Variants in CNTN6 observed in about 807,000 individuals in gnomAD.
CNTN6 encodes contactin-6.
Under a neutral mutation model 122.8 loss-of-function variants are expected in CNTN6, and 137 were observed. The ratio of observed to expected loss-of-function variants is 1.12; its 90% CI spans 0.97 to 1.29. The LOEUF (loss-of-function observed/expected upper bound fraction) is 1.29, where lower values mean the gene tolerates loss of function less well. Ranked by LOEUF, CNTN6 falls within the 50% of genes most tolerant of loss-of-function variation. CNTN6 has a pLI of 0.00. For synonymous variants in CNTN6, 570 were observed against 426.0 expected, an observed-to-expected ratio of 1.34 and a Z score of -4.16; for missense variants, 1,634 against 1,223.4, an observed-to-expected ratio of 1.34 and a Z score of -5.01.
rs373165737 is a variant in CNTN6, at chr3:1,321,641, A to C, written c.762-9A>C. On this transcript the variant is annotated splice_polypyrimidine_tract_variant and intron_variant, in intron 7 of 22. Transcript: ENST00000446702. ...CCGTCTTCTATTCTAATGAGGTGTA[A>C]CTGTTTAGTCCAGTCCCCGATATTA... The C allele has an allele frequency of 3.1e-6, 5 of 1,605,086 alleles. No individual in the cohort carries two copies. The African/African-American group carries it at 6.7e-5, about 22-fold the overall frequency.
intron 2 of CNTN6, among the ~76,000 whole-genome samples, chr3:1,184,919 T>C (rs188071231): frequency 3.7e-4 from 56 of 152,236 alleles, no homozygotes; most frequent in African/African-American, 1.3e-3. Context: ...AATTCAAATA[T>C]ATAAAAATAT....
At chr3:1,159,415 T>A (rs2093069929) in intron 2 of CNTN6, among the ~76,000 whole-genome samples, 1 of 152,062 alleles carries the variant, frequency 6.6e-6, no homozygotes, top group African/African-American at 2.4e-5. Context: ...GGAGATTTCA[T>A]CACACTACCC....
chr3:1,382,037 G>A (rs553007881), intron 17 of CNTN6, among the ~76,000 whole-genome samples: 1 of 151,960 alleles, frequency 6.6e-6, no homozygotes, highest in East Asian at 1.9e-4. Context: ...ATGGAGTTGT[G>A]GACATGAGGG....
intron 2 of CNTN6, among the ~76,000 whole-genome samples, chr3:1,209,960 A>G (rs2094011355): frequency 6.6e-6 from 1 of 152,198 alleles, no homozygotes; most frequent in Non-Finnish European, 1.5e-5. Context: ...CCTTAGTAAG[A>G]TGTATCTCTC....
rs974142890 is a variant in CNTN6 at position 1,102,608 on chromosome 3, G to T, written c.-83+9488G>T. ...GCCGGGCGTGGTGGCGGCGCCTGTA[G>T]TCCCAGCTACTCGGGAGGCTGAGGC... is the stretch of plus-strand genomic sequence containing the variant. On this transcript the variant is annotated intron_variant, in intron 1 of 22. Coordinates refer to ENST00000446702, the MANE Select transcript of CNTN6 (RefSeq NM_001289080.2). Among the ~76,000 whole-genome samples the T allele has an allele frequency of 4.0e-5, 6 of 149,278 alleles. 1 individual carries two copies. The highest frequency in any genetic ancestry group is 6.0e-5 in the Non-Finnish European group (4 of 66,954).
intron 2 of CNTN6, among the ~76,000 whole-genome samples, chr3:1,204,083 T>C (rs1189484298): frequency 6.6e-6 from 1 of 152,188 alleles, no homozygotes. Flanking sequence ...TAATGACACA[T>C]TTCGCAGAAT....
At position 1,147,988 on chromosome 3, in the gene CNTN6, T is replaced by G; in HGVS notation, c.-21T>G. 1 of 1,600,642 alleles carries G rather than the reference T, an allele frequency of 6.2e-7. No homozygotes were observed. The highest frequency in any genetic ancestry group is 1.1e-5 in the South Asian group (1 of 90,216). ...TTCCACCTGATTGTATGGGAGAAAT[T>G]TTTGACCTTAGAAAGTGGAAATGAG... is the stretch of plus-strand genomic sequence containing the variant. On this transcript the variant is annotated 5_prime_UTR_variant, in exon 2 of 23. The change creates a new upstream start codon in the 5' untranslated region. Coordinates refer to ENST00000446702, the MANE Select transcript of CNTN6 (RefSeq NM_001289080.2).
At chr3:1,386,732 T>C (rs746308324) in intron 20 of CNTN6, among the ~76,000 whole-genome samples, 1 of 152,094 alleles carries the variant, frequency 6.6e-6, no homozygotes, top group Non-Finnish European at 1.5e-5. Context: ...GAATGAAAGA[T>C]AACAAATATA....
chr3:1,197,160 A>T (rs574218225), intron 2 of CNTN6, among the ~76,000 whole-genome samples: 18 of 152,326 alleles, frequency 1.2e-4, no homozygotes, highest in African/African-American at 3.8e-4. Context: ...TTATAGACAT[A>T]ATTGGCTATT....
chr3:1,184,444 C>A (rs1162457450), intron 2 of CNTN6, among the ~76,000 whole-genome samples: 1 of 152,142 alleles, frequency 6.6e-6, no homozygotes, highest in Non-Finnish European at 1.5e-5. Context: ...TGTTACCAAG[C>A]ATTCTAATGA....
chr3:1,373,607 C>T lies in CNTN6; in HGVS notation c.1790C>T (p.Pro597Leu), dbSNP rs927035389. Reference protein sequence around the residue: ...SAVADIIVRGPPGPPEDVQVE... With the variant: ...SAVADIIVRGLPGPPEDVQVE... ...ATGATAAAACATTTTTTTCAAGGTC[C>T]ACCAGGTCCTCCTGAGGATGTGCAA... Residue 597 changes from proline to leucine, a missense_variant, in exon 15 of 23, where the codon CCA becomes CTA. Pro to Leu is a moderately conservative substitution (Grantham distance 98). Coordinates refer to ENST00000446702, the MANE Select transcript of CNTN6 (RefSeq NM_001289080.2). 7.5e-6 allele frequency: 12 copies of T among 1,607,912 alleles called. No individual in the cohort carries two copies. Among genetic ancestry groups the T allele is most frequent in the Admixed American group, 3.4e-5 (2 of 58,486 alleles).
At chr3:1,320,388 A>G (rs17443601) in intron 7 of CNTN6, among the ~76,000 whole-genome samples, 29,907 of 151,508 alleles carry the variant, frequency 0.2, 3,569 homozygotes, top group Non-Finnish European at 0.26. Flanking sequence ...AAGGCTTCAT[A>G]AGTGTTCTTG....
intron 11 of CNTN6, among the ~76,000 whole-genome samples, chr3:1,333,069 T>G (rs1055079093): frequency 2.6e-5 from 4 of 152,066 alleles, no homozygotes; most frequent in Non-Finnish European, 2.9e-5. Flanking sequence ...TTTGATTGAG[T>G]ATGTATGTGT....
At chr3:1,094,125 A>T (rs562429722) in intron 1 of CNTN6, among the ~76,000 whole-genome samples, 2 of 152,224 alleles carry the variant, frequency 1.3e-5, no homozygotes, top group Non-Finnish European at 2.9e-5. Context: ...GAAGAAGCAT[A>T]TGCTGAATAT....
At chr3:1,176,393 A>G (rs2093448996) in intron 2 of CNTN6, among the ~76,000 whole-genome samples, 1 of 152,198 alleles carries the variant, frequency 6.6e-6, no homozygotes, top group South Asian at 2.1e-4. Flanking sequence ...CTGGGCAACA[A>G]GAGTGAAACT....
chr3:1,305,769 C>G (rs181956817), intron 7 of CNTN6, among the ~76,000 whole-genome samples: 1 of 152,220 alleles, frequency 6.6e-6, no homozygotes, highest in East Asian at 1.9e-4. Context: ...CTGAAGCCTT[C>G]ACACAGAGGA....
At chr3:1,305,623 T>C (rs1698229748) in intron 7 of CNTN6, among the ~76,000 whole-genome samples, 1 of 152,162 alleles carries the variant, frequency 6.6e-6, no homozygotes, top group Non-Finnish European at 1.5e-5. Context: ...ATATCCCCCA[T>C]AACTCTATTC....
At chr3:1,318,372 G>A (rs1700406912) in intron 7 of CNTN6, among the ~76,000 whole-genome samples, 1 of 151,464 alleles carries the variant, frequency 6.6e-6, no homozygotes, top group Non-Finnish European at 1.5e-5. Context: ...CTTCCATTTG[G>A]ATGTGTGTCT....
Position 1,403,416 on chromosome 3 carries a change from T to C in CNTN6, c.3085T>C (p.Ter1029ArgextTer1). The change falls in exon 23 of 23, where the codon TGA becomes CGA. Residue 1029 changes from the stop codon to arginine (R), a stop_lost. Transcript: ENST00000446702. The part of the protein sequence containing the change: ...FHCFAIQPLI[*>R] ...CTGTTTTGCTATTCAGCCACTTATC[T>C]GATGAATAAAACCATAAATCTTTGA... The C allele has an allele frequency of 6.3e-7, 1 of 1,583,558 alleles. No homozygotes were observed. Among genetic ancestry groups the C allele is most frequent in the Non-Finnish European group, 8.7e-7 (1 of 1,153,510 alleles).
Sources: gnomAD v4.1 joint callset for allele counts (sites outside exome capture counted in the v4.1 genomes callset) on GRCh38, gnomAD v4.1.1 for gene constraint, MANE v1.5 for transcripts, NCBI Gene and HGNC (gene_info 2026-07-23, HGNC 2026-07-21) for gene names.